The following LRRC7 variants were observed in gnomAD, a reference collection of about 807,000 sequenced individuals.
LRRC7 encodes leucine rich repeat containing 7.
Under a neutral mutation model 175.7 loss-of-function variants are expected in LRRC7, and 23 were observed. The observed-to-expected ratio is 0.13, with a 90% confidence interval of 0.09 to 0.19. The LOEUF (loss-of-function observed/expected upper bound fraction) is 0.19. LRRC7 is among the 10% of genes least tolerant of loss of function. The probability of loss-of-function intolerance (pLI) is 1.00; values close to 1 mark genes in which losing one functional copy is unlikely to be tolerated. For missense variants in LRRC7, 1,354 were observed against 1,904.7 expected, an observed-to-expected ratio of 0.71 and a Z score of 5.38; for synonymous variants, 685 against 680.9, an observed-to-expected ratio of 1.01 and a Z score of -0.09.
chr1:69,637,941 G>A (rs1235890201), intron 1 of LRRC7, among the ~76,000 whole-genome samples: 1 of 151,842 alleles, frequency 6.6e-6, no homozygotes, highest in Non-Finnish European at 1.5e-5. Context: ...TAGGGTTTAA[G>A]AGCCTCGCCT....
chr1:70,049,594 T>C (rs755654879), intron 22 of LRRC7, among the ~76,000 whole-genome samples: 7 of 152,126 alleles, frequency 4.6e-5, no homozygotes, highest in Non-Finnish European at 8.8e-5. Context: ...TAAATTCTTA[T>C]AGACAGTGAC....
intron 26 of LRRC7, among the ~76,000 whole-genome samples, chr1:70,110,404 G>A (rs940416670): frequency 6.6e-6 from 1 of 151,952 alleles, no homozygotes; most frequent in Non-Finnish European, 1.5e-5. Flanking sequence ...TAAAAATAAA[G>A]ACATTAGTGT....
At chr1:70,044,315 C>A (rs1375415764) in intron 22 of LRRC7, among the ~76,000 whole-genome samples, 2 of 152,138 alleles carry the variant, frequency 1.3e-5, no homozygotes, top group Non-Finnish European at 2.9e-5. Context: ...TTGAGCTTTG[C>A]TTTTTGGATT....
chr1:70,072,370 T>C (rs903922418), intron 23 of LRRC7, among the ~76,000 whole-genome samples: 1 of 152,222 alleles, frequency 6.6e-6, no homozygotes, highest in African/African-American at 2.4e-5. Flanking sequence ...AACTTCATCA[T>C]GAACATCCTC....
chr1:69,858,420 A>C (rs1003972259), intron 7 of LRRC7, among the ~76,000 whole-genome samples: 1 of 152,190 alleles, frequency 6.6e-6, no homozygotes. Context: ...TACAACCTGC[A>C]CATTGTGCAC....
At chr1:69,795,343 C>A (rs906218819) in intron 4 of LRRC7, among the ~76,000 whole-genome samples, 1 of 149,488 alleles carries the variant, frequency 6.7e-6, no homozygotes, top group East Asian at 2.0e-4. Flanking sequence ...CCACTGCACT[C>A]TAGCCTGGAC....
intron 7 of LRRC7, among the ~76,000 whole-genome samples, chr1:69,929,227 C>A (rs1335128903): frequency 2.0e-5 from 3 of 152,156 alleles, no homozygotes; most frequent in African/African-American, 7.2e-5. Context: ...AGCTGGTAAG[C>A]CATCTCTATG....
intron 11 of LRRC7, among the ~76,000 whole-genome samples, chr1:70,009,279 A>G (rs567483936): frequency 1.3e-5 from 2 of 152,046 alleles, no homozygotes; most frequent in South Asian, 4.2e-4. Context: ...TCTTTTATGC[A>G]ATTCTAAAAA....
intron 1 of LRRC7, among the ~76,000 whole-genome samples, chr1:69,669,599 A>T (rs1015581951): frequency 2.9e-4 from 44 of 152,228 alleles, no homozygotes; most frequent in African/African-American, 1.0e-3. Context: ...TCATACTTGG[A>T]TATTGATATC....
At chr1:69,832,140 T>C (rs1233949088) in intron 5 of LRRC7, among the ~76,000 whole-genome samples, 1 of 152,230 alleles carries the variant, frequency 6.6e-6, no homozygotes, top group Admixed American at 6.5e-5. Flanking sequence ...AGAGTGTTTT[T>C]TCAAGCTGTT....
chr1:69,617,145 T>C (rs988984926), intron 1 of LRRC7, among the ~76,000 whole-genome samples: 1 of 152,148 alleles, frequency 6.6e-6, no homozygotes, highest in African/African-American at 2.4e-5. Flanking sequence ...GTTTCATTGT[T>C]AATGCCTCTC....
intron 24 of LRRC7, among the ~76,000 whole-genome samples, chr1:70,079,094 C>G (rs1314525731): frequency 6.6e-6 from 1 of 151,884 alleles, no homozygotes. Context: ...AAATTGAGAC[C>G]TTTTTAATAA....
intron 14 of LRRC7, among the ~76,000 whole-genome samples, chr1:70,017,289 G>T (rs915304668): frequency 7.3e-5 from 11 of 150,274 alleles, no homozygotes; most frequent in Non-Finnish European, 1.6e-4. Flanking sequence ...AAAGGAATTT[G>T]CAATATCTTT....
At position 69,811,727 on chromosome 1, in the gene LRRC7, A is replaced by G. The variant is rs563651527; in HGVS notation, c.422-14021A>G. Reference sequence around the variant, plus strand: ...TAAGTGGGAGTTGAACAATGAGAACACATGGACACAGGGAGGGGAACATCA... The same window carrying G: ...TAAGTGGGAGTTGAACAATGAGAACGCATGGACACAGGGAGGGGAACATCA... On this transcript the variant is annotated intron_variant, in intron 4 of 26. Coordinates refer to ENST00000651989, the MANE Select transcript of LRRC7 (RefSeq NM_001370785.2). 2.6e-5 allele frequency among the ~76,000 whole-genome samples: 4 copies of G among 152,224 alleles called. No homozygotes were observed. The South Asian group carries it at 8.3e-4, about 32-fold the overall frequency.
At chr1:69,744,735 G>T (rs536906701) in intron 2 of LRRC7, among the ~76,000 whole-genome samples, 33 of 151,916 alleles carry the variant, frequency 2.2e-4, no homozygotes, top group African/African-American at 7.5e-4. Flanking sequence ...CTCAATGGAA[G>T]TGCTACCATT....
chr1:69,789,471 T>C (rs964550982), intron 3 of LRRC7, among the ~76,000 whole-genome samples: 1 of 152,108 alleles, frequency 6.6e-6, no homozygotes, highest in Non-Finnish European at 1.5e-5. Context: ...TCATTCCTCA[T>C]TTTAATTCAA....
intron 7 of LRRC7, among the ~76,000 whole-genome samples, chr1:69,923,654 T>G (rs1646963538): frequency 6.6e-6 from 1 of 152,174 alleles, no homozygotes; most frequent in Admixed American, 6.5e-5. Flanking sequence ...GTGTTATTTG[T>G]TTTTTTCTTG....
chr1:70,051,013 A>C (rs1660706473), intron 22 of LRRC7, among the ~76,000 whole-genome samples: 1 of 152,018 alleles, frequency 6.6e-6, no homozygotes, highest in Admixed American at 6.6e-5. Flanking sequence ...CCCCTGTAAT[A>C]GAGACTTGGT....
intron 1 of LRRC7, among the ~76,000 whole-genome samples, chr1:69,584,939 CT>C (rs1646348826): frequency 6.6e-6 from 1 of 152,132 alleles, no homozygotes; most frequent in Non-Finnish European, 1.5e-5. Context: ...CCTATTTTAT[CT>C]TCCAATTTCA....
Sources: allele counts gnomAD v4.1 joint callset (sites outside exome capture counted in the v4.1 genomes callset), GRCh38; gene constraint gnomAD v4.1.1; transcripts MANE v1.5; gene names NCBI Gene and HGNC (gene_info 2026-07-23, HGNC 2026-07-21).